Variants in DYNC2I1 observed in about 807,000 individuals in gnomAD.
The protein encoded by DYNC2I1 is cytoplasmic dynein 2 intermediate chain 1.
DYNC2I1 carries 89 observed loss-of-function variants against 133.4 expected under a neutral mutation model. The ratio of observed to expected loss-of-function variants is 0.67; its 90% CI spans 0.56 to 0.80. The LOEUF (loss-of-function observed/expected upper bound fraction) is 0.80, where lower values mean the gene tolerates loss of function less well. DYNC2I1 is among the 30% of genes least tolerant of loss of function. DYNC2I1 has a pLI of 0.00. For missense variants in DYNC2I1, 1,291 were observed against 1,314.5 expected (o/e 0.98, Z 0.28); for synonymous variants, 504 against 484.3 (o/e 1.04, Z -0.54).
At chr7:158,950,259 T>C (rs927568128), downstream of DYNC2I1, among the ~76,000 whole-genome samples, 1 of 152,138 alleles carries the variant, frequency 6.6e-6, no homozygotes, top group African/African-American at 2.4e-5. Context: ...AGATGGGGTT[T>C]TGCCATGTTG....
chr7:158,947,018 CTT>C (rs1161643631), downstream of DYNC2I1, among the ~76,000 whole-genome samples: 1 of 152,238 alleles, frequency 6.6e-6, no homozygotes, highest in African/African-American at 2.4e-5. Flanking sequence ...AACCGCCAGC[CTT>C]TCTTTGCTTT....
At chr7:158,851,808 G>A (rs1052047892), upstream of DYNC2I1, among the ~76,000 whole-genome samples, 1 of 152,164 alleles carries the variant, frequency 6.6e-6, no homozygotes, top group African/African-American at 2.4e-5. Flanking sequence ...TCTCTGGGCT[G>A]CAAGAATCCT....
At chr7:158,885,371 T>A (rs1468950718) in intron 6 of DYNC2I1, among the ~76,000 whole-genome samples, 1 of 151,290 alleles carries the variant, frequency 6.6e-6, no homozygotes, top group Non-Finnish European at 1.5e-5. Context: ...AGACAGAGTC[T>A]CACTTTGTTG....
At position 158,871,348 on chromosome 7, in the gene DYNC2I1, G is replaced by T. The variant is rs1478247581; in HGVS notation, c.276G>T (p.Arg92Ser). 1 of 1,553,702 alleles carries T rather than the reference G, an allele frequency of 6.4e-7. No homozygotes were observed. Among genetic ancestry groups the T allele is most frequent in the Non-Finnish European group, 8.7e-7 (1 of 1,148,072 alleles). Residue 92 changes from arginine (R) to serine (S), a missense_variant, in exon 3 of 25, where the codon AGG becomes AGT. Transcript: ENST00000407559. ...GERDRDRQRERRRDAKDREKE... is the reference protein window; with the variant it reads ...GERDRDRQRESRRDAKDREKE... Reference sequence around the variant, plus strand: ...GGGACAGAGACAGACAGAGGGAGAGGAGAAGAGACGCAAAAGACCGGGAGA... The same window carrying T: ...GGGACAGAGACAGACAGAGGGAGAGTAGAAGAGACGCAAAAGACCGGGAGA...
intron 4 of DYNC2I1, among the ~76,000 whole-genome samples, chr7:158,955,082 T>A (rs1263074382): frequency 1.3e-5 from 2 of 152,200 alleles, no homozygotes; most frequent in Non-Finnish European, 2.9e-5. Context: ...AAGGCTCTGG[T>A]TTTTAATATA....
intron 23 of DYNC2I1, among the ~76,000 whole-genome samples, chr7:158,941,613 G>A (rs921435984): frequency 6.6e-6 from 1 of 152,232 alleles, no homozygotes; most frequent in African/African-American, 2.4e-5. Flanking sequence ...TGGGCATGAT[G>A]GCTCACACCT....
intron 3 of DYNC2I1, among the ~76,000 whole-genome samples, chr7:158,874,726 T>C (rs1843195624): frequency 6.6e-6 from 1 of 152,224 alleles, no homozygotes; most frequent in African/African-American, 2.4e-5. Flanking sequence ...CTCATGGTTT[T>C]AAATACTGTT....
At chr7:158,858,841 T>A (rs1584927623) in intron 1 of DYNC2I1, among the ~76,000 whole-genome samples, 1 of 47,496 alleles carries the variant, frequency 2.1e-5, no homozygotes, top group Admixed American at 3.2e-4. Context: ...CCCTCCCCTT[T>A]CCCCTCCCTT....
chr7:158,940,429 G>A (rs1309025779), intron 23 of DYNC2I1, among the ~76,000 whole-genome samples: 1 of 152,140 alleles, frequency 6.6e-6, no homozygotes, highest in African/African-American at 2.4e-5. Context: ...GTTCGTAATA[G>A]GCCGTGGTCT....
chr7:158,884,315 G>A (rs549401885), intron 5 of DYNC2I1, among the ~76,000 whole-genome samples: 2 of 152,152 alleles, frequency 1.3e-5, no homozygotes, highest in South Asian at 4.1e-4. Flanking sequence ...AAAGTGCTGG[G>A]ATCACAGGCG....
At chr7:158,947,918 TG>T (rs1400803811), downstream of DYNC2I1, among the ~76,000 whole-genome samples, 1 of 152,114 alleles carries the variant, frequency 6.6e-6, no homozygotes, top group Non-Finnish European at 1.5e-5. Flanking sequence ...TCCTTGAATG[TG>T]TCCTTCCCAG....
At position 158,922,636 on chromosome 7, in the gene DYNC2I1, A is replaced by C. The variant is rs560066606; in HGVS notation, c.2094+87A>C. 26 of 1,355,716 alleles carry C rather than the reference A, an allele frequency of 1.9e-5. No homozygotes were observed. The South Asian group carries it at 3.1e-4, about 16-fold the overall frequency. The allele number at this position is 1,355,716 out of a possible 1,614,324, so 84.0% of individuals were successfully genotyped here. On this transcript the variant is annotated intron_variant, in intron 16 of 24. Coordinates refer to ENST00000407559, the MANE Select transcript of DYNC2I1 (RefSeq NM_018051.5). ...GGTGCAGGTGGGGAGAGTCACGGAG[A>C]GAGGTGCAGGGACAGGAGGTGGGTA...
intron 14 of DYNC2I1, among the ~76,000 whole-genome samples, chr7:158,917,152 A>C (rs1848456961): frequency 7.5e-6 from 1 of 133,746 alleles, no homozygotes; most frequent in Non-Finnish European, 1.6e-5. Flanking sequence ...ATTAAGGATG[A>C]TTGTGAAATG....
At chr7:158,937,237 T>C (rs2657334) in intron 23 of DYNC2I1, among the ~76,000 whole-genome samples, 75,647 of 152,050 alleles carry the variant, frequency 0.5, 19,236 homozygotes, top group Admixed American at 0.55. Flanking sequence ...CTGAGAAACA[T>C]ATTTGCTGGA....
At chr7:158,913,640 T>A (rs960503423) in intron 13 of DYNC2I1, among the ~76,000 whole-genome samples, 1 of 152,204 alleles carries the variant, frequency 6.6e-6, no homozygotes, top group African/African-American at 2.4e-5. Flanking sequence ...TTTTCTCAGG[T>A]AAGCCTCACC....
intron 11 of DYNC2I1, among the ~76,000 whole-genome samples, chr7:158,906,398 A>T (rs1846818089): frequency 6.6e-6 from 1 of 152,206 alleles, no homozygotes; most frequent in Non-Finnish European, 1.5e-5. Flanking sequence ...TTTTAAAGTC[A>T]AGGGTCTATT....
At chr7:158,928,003 G>T (rs1375045808) in intron 20 of DYNC2I1, among the ~76,000 whole-genome samples, 1 of 152,064 alleles carries the variant, frequency 6.6e-6, no homozygotes, top group Non-Finnish European at 1.5e-5. Flanking sequence ...TTCATTTTGG[G>T]GCTTCTTCCT....
upstream of DYNC2I1, among the ~76,000 whole-genome samples, chr7:158,851,633 TATA>T (rs1245998326): frequency 6.6e-6 from 1 of 152,220 alleles, no homozygotes; most frequent in East Asian, 1.9e-4. Flanking sequence ...TCAGGCCAAC[TATA>T]ATAAGACTAA....
intron 11 of DYNC2I1, 53 bp from the exon 12 acceptor site, chr7:158,911,497 C>T (rs1416239277): frequency 1.3e-6 from 2 of 1,585,956 alleles, no homozygotes; most frequent in African/African-American, 1.3e-5. Context: ...CCTACACTTC[C>T]CCACGTATAT....
Sources: allele counts gnomAD v4.1 joint callset (sites outside exome capture counted in the v4.1 genomes callset), GRCh38; gene constraint gnomAD v4.1.1; transcripts MANE v1.5; gene names NCBI Gene and HGNC (gene_info 2026-07-23, HGNC 2026-07-21).